The following NRXN1 variants were observed in gnomAD, a reference collection of about 807,000 sequenced individuals.
NRXN1 encodes neurexin-1.
In NRXN1, 39 loss-of-function variants were observed where a neutral mutation model predicts 150.9. The observed-to-expected ratio is 0.26, with a 90% confidence interval of 0.20 to 0.34. The LOEUF (loss-of-function observed/expected upper bound fraction) is 0.34. Ranked by LOEUF, NRXN1 falls within the 10% of genes least tolerant of loss-of-function variation. The probability of loss-of-function intolerance (pLI) is 1.00; values close to 1 mark genes in which losing one functional copy is unlikely to be tolerated. For synonymous variants in NRXN1, 924 were observed against 757.0 expected (o/e 1.22, Z -3.62); for missense variants, 1,815 against 1,949.9 (o/e 0.93, Z 1.30).
chr2:50,038,766 C>T (rs1232096194), intron 21 of NRXN1, among the ~76,000 whole-genome samples: 2 of 145,990 alleles, frequency 1.4e-5, no homozygotes, highest in Admixed American at 6.8e-5. Context: ...TCCCTCCCTC[C>T]CTCCTTTCCT....
At chr2:50,188,115 T>A (rs1373640576) in intron 18 of NRXN1, among the ~76,000 whole-genome samples, 3 of 152,110 alleles carry the variant, frequency 2.0e-5, no homozygotes, top group Admixed American at 6.6e-5. Context: ...CAACACTATA[T>A]TGAATAAGAG....
In NRXN1 at chr2:49,921,870, G is replaced by A. The variant is rs1211903036; in HGVS notation, c.*74C>T. On this transcript the variant is annotated 3_prime_UTR_variant, in exon 23 of 23. Coordinates refer to ENST00000401669, the MANE Select transcript of NRXN1 (RefSeq NM_001330078.2). ...TTGTATGTGCTTCATAAAAAGGAAA[G>A]TAAATAAGTTTATATTATGTCTCAG... 2.7e-6 allele frequency: 4 copies of A among 1,462,904 alleles called. No individual in the cohort carries two copies. Among genetic ancestry groups the A allele is most frequent in the African/African-American group, 2.8e-5 (2 of 71,070 alleles). 90.6% of individuals were successfully genotyped at this position (1,462,904 alleles called of 1,614,324 possible).
intron 8 of NRXN1, among the ~76,000 whole-genome samples, chr2:50,610,648 T>C (rs900030436): frequency 1.0e-5 from 1 of 99,442 alleles, no homozygotes; most frequent in African/African-American, 4.6e-5. Context: ...GATACATATA[T>C]ATATATATAT....
intron 21 of NRXN1, among the ~76,000 whole-genome samples, chr2:50,014,973 G>T (rs185028025): frequency 6.6e-6 from 1 of 152,120 alleles, no homozygotes; most frequent in Non-Finnish European, 1.5e-5. Flanking sequence ...TTTATCAAAA[G>T]GCTGACTTTC....
chr2:51,007,054 G>A (rs1217935448), intron 2 of NRXN1, among the ~76,000 whole-genome samples: 2 of 151,824 alleles, frequency 1.3e-5, no homozygotes, highest in African/African-American at 4.8e-5. Flanking sequence ...ATGACTTTAC[G>A]TATTACTTAA....
intron 2 of NRXN1, among the ~76,000 whole-genome samples, chr2:50,936,144 T>G (rs1302396467): frequency 6.6e-6 from 1 of 152,138 alleles, no homozygotes; most frequent in East Asian, 1.9e-4. Context: ...AACTAAGTAT[T>G]GAGAAGGAAA....
intron 17 of NRXN1, among the ~76,000 whole-genome samples, chr2:50,453,638 C>T (rs2087223957): frequency 6.6e-6 from 1 of 152,078 alleles, no homozygotes; most frequent in African/African-American, 2.4e-5. Context: ...CTATCTTTTG[C>T]ATAATTAATA....
intron 12 of NRXN1, among the ~76,000 whole-genome samples, chr2:50,527,849 G>A (rs1455014665): frequency 6.6e-6 from 1 of 152,150 alleles, no homozygotes; most frequent in Non-Finnish European, 1.5e-5. Flanking sequence ...AATTGCTGAT[G>A]ACTTTGTGTT....
intron 5 of NRXN1, among the ~76,000 whole-genome samples, chr2:50,846,085 C>A (rs529710714): frequency 6.6e-6 from 1 of 152,278 alleles, no homozygotes; most frequent in African/African-American, 2.4e-5. Flanking sequence ...GAGTAAAAGG[C>A]AGGAGTAGAG....
chr2:50,955,897 C>T (rs1692203199), intron 2 of NRXN1, among the ~76,000 whole-genome samples: 2 of 152,172 alleles, frequency 1.3e-5, no homozygotes. Context: ...TAGCTACAGA[C>T]TGGGGAGGAC....
chr2:50,017,741 G>C (rs1686900205), intron 21 of NRXN1, among the ~76,000 whole-genome samples: 1 of 149,050 alleles, frequency 6.7e-6, no homozygotes, highest in Non-Finnish European at 1.5e-5. Flanking sequence ...AATTCATACA[G>C]ACCTTTAAGG....
intron 17 of NRXN1, among the ~76,000 whole-genome samples, chr2:50,252,114 T>C (rs1351901705): frequency 1.3e-5 from 2 of 151,828 alleles, no homozygotes; most frequent in Non-Finnish European, 2.9e-5. Context: ...TACCTATGCC[T>C]ATGTCCTGAA....
chr2:49,963,236 T>G (rs922804207), intron 21 of NRXN1, among the ~76,000 whole-genome samples: 2 of 152,130 alleles, frequency 1.3e-5, no homozygotes, highest in Non-Finnish European at 2.9e-5. Flanking sequence ...CTGACTTCCA[T>G]GTGGTCGAAA....
chr2:50,259,711 T>G (rs2068057847), intron 17 of NRXN1, among the ~76,000 whole-genome samples: 1 of 151,922 alleles, frequency 6.6e-6, no homozygotes, highest in South Asian at 2.1e-4. Context: ...TGGCTTTATC[T>G]GAATATTTGC....
At chr2:50,141,946 CT>C (rs1054784380) in intron 18 of NRXN1, among the ~76,000 whole-genome samples, 1 of 152,032 alleles carries the variant, frequency 6.6e-6, no homozygotes, top group African/African-American at 2.4e-5. Flanking sequence ...AATCCCACTA[CT>C]GGGTATTTAT....
chr2:50,249,269 C>T (rs1559168778), intron 17 of NRXN1, among the ~76,000 whole-genome samples: 2 of 151,332 alleles, frequency 1.3e-5, no homozygotes, highest in African/African-American at 4.9e-5. Context: ...TAAAACAAGA[C>T]AAAAAAATCC....
rs905002349 is a variant in NRXN1, at chr2:50,945,893, T to C, written c.773-19938A>G. Among the ~76,000 whole-genome samples the C allele has an allele frequency of 4.2e-5, 6 of 143,644 alleles. 1 individual carries two copies. Among genetic ancestry groups the C allele is most frequent in the African/African-American group, 1.6e-4 (6 of 38,426 alleles). The allele number at this position is 143,644 out of a possible 152,430, so 94.2% of individuals were successfully genotyped here. Reference sequence around the variant, plus strand: ...AGAAAAACAGATATATATATATATATATATATACACACACACACACACACA... The same window carrying C: ...AGAAAAACAGATATATATATATATACATATATACACACACACACACACACA... On this transcript the variant is annotated intron_variant, in intron 2 of 22. Transcript: ENST00000401669.
chr2:50,575,844 T>A (rs1671364434), intron 8 of NRXN1, among the ~76,000 whole-genome samples: 1 of 152,196 alleles, frequency 6.6e-6, no homozygotes, highest in Non-Finnish European at 1.5e-5. Context: ...CACAACTTTT[T>A]CTTTGGAGGC....
intron 17 of NRXN1, among the ~76,000 whole-genome samples, chr2:50,401,574 A>C (rs935220735): frequency 6.6e-6 from 1 of 151,966 alleles, no homozygotes; most frequent in African/African-American, 2.4e-5. Flanking sequence ...AAGACAGGAC[A>C]CTTTACTAGA....
Sources: gnomAD v4.1 joint callset for allele counts (sites outside exome capture counted in the v4.1 genomes callset) on GRCh38, gnomAD v4.1.1 for gene constraint, MANE v1.5 for transcripts, NCBI Gene and HGNC (gene_info 2026-07-23, HGNC 2026-07-21) for gene names.